AFG2A: variants seen among roughly 807,000 people sequenced by gnomAD.
The protein encoded by AFG2A is ATPase family gene 2 protein homolog A.
chr4:123,135,182 G>GAAAAAGCCTTTAAC, the AFG2A span, among the ~76,000 whole-genome samples: 1 of 151,976 alleles, frequency 6.6e-6, no homozygotes, highest in African/African-American at 2.4e-5. Context: ...AATAGATGCA[G>GAAAAAGCCTTTAAC]AAAAAGCCTT....
chr4:122,960,192 T>G, the AFG2A span, among the ~76,000 whole-genome samples: 5 of 152,190 alleles, frequency 3.3e-5, no homozygotes, highest in African/African-American at 1.2e-4. Context: ...GTGTCTGTGT[T>G]TGTATTCCTG....
the AFG2A span, among the ~76,000 whole-genome samples, chr4:123,172,552 AT>A: frequency 6.6e-6 from 1 of 152,198 alleles, no homozygotes. Flanking sequence ...GAAAAAGAGC[AT>A]TAGCTTAGAC....
At chr4:123,101,564 T>C in the AFG2A span, among the ~76,000 whole-genome samples, 1 of 152,038 alleles carries the variant, frequency 6.6e-6, no homozygotes, top group Non-Finnish European at 1.5e-5. Flanking sequence ...CTTAATTTTC[T>C]GAATACTTTG....
the AFG2A span, chr4:122,933,411 T>C: frequency 6.3e-7 from 1 of 1,594,502 alleles, no homozygotes; most frequent in Admixed American, 1.7e-5. Context: ...CTAATGCTGA[T>C]TTCTGTTCCC....
At chr4:123,229,414 A>C in the AFG2A span, among the ~76,000 whole-genome samples, 1 of 152,022 alleles carries the variant, frequency 6.6e-6, no homozygotes. Flanking sequence ...AGTGGGAAAC[A>C]AATGAAGCTT....
the AFG2A span, among the ~76,000 whole-genome samples, chr4:123,001,192 T>C: frequency 6.6e-6 from 1 of 151,214 alleles, no homozygotes; most frequent in Non-Finnish European, 1.5e-5. Context: ...GATTCTTCTC[T>C]CTTTTTTTCT....
chr4:123,297,359 T>C, the AFG2A span, among the ~76,000 whole-genome samples: 1 of 152,206 alleles, frequency 6.6e-6, no homozygotes, highest in Non-Finnish European at 1.5e-5. Context: ...ATGATATCTG[T>C]GGCCTAGAAA....
At chr4:123,232,149 A>G in the AFG2A span, among the ~76,000 whole-genome samples, 1 of 151,998 alleles carries the variant, frequency 6.6e-6, no homozygotes, top group African/African-American at 2.4e-5. Flanking sequence ...AAAAAATACA[A>G]TATCTGCAGA....
the AFG2A span, among the ~76,000 whole-genome samples, chr4:122,989,925 C>T: frequency 2.0e-5 from 3 of 152,130 alleles, no homozygotes; most frequent in Admixed American, 6.5e-5. Context: ...TGGTGCGACA[C>T]GGCTCACTGC....
chr4:123,071,460 A>G, the AFG2A span, among the ~76,000 whole-genome samples: 1 of 148,982 alleles, frequency 6.7e-6, no homozygotes, highest in East Asian at 2.0e-4. Context: ...AGCCTGGACA[A>G]CAAGAGCGAA....
the AFG2A span, among the ~76,000 whole-genome samples, chr4:123,117,908 A>G: frequency 1.3e-5 from 2 of 151,950 alleles, no homozygotes; most frequent in Non-Finnish European, 1.5e-5. Flanking sequence ...ACTAATATAG[A>G]GAAAAATTCA....
the AFG2A span, among the ~76,000 whole-genome samples, chr4:123,004,996 A>G: frequency 2.6e-5 from 4 of 152,184 alleles, no homozygotes; most frequent in African/African-American, 9.6e-5. Flanking sequence ...ATTTATGGCC[A>G]AAGAGTCATT....
At chr4:123,227,515 G>A in the AFG2A span, among the ~76,000 whole-genome samples, 1 of 152,158 alleles carries the variant, frequency 6.6e-6, no homozygotes, top group Non-Finnish European at 1.5e-5. Context: ...ATGTAGTTGA[G>A]CGGTTTTGAG....
the AFG2A span, among the ~76,000 whole-genome samples, chr4:123,096,941 A>G: frequency 6.6e-6 from 1 of 152,024 alleles, no homozygotes; most frequent in Non-Finnish European, 1.5e-5. Context: ...GTTTTCTTAC[A>G]TTGTTGCAAA....
the AFG2A span, among the ~76,000 whole-genome samples, chr4:123,300,215 AG>A: frequency 6.6e-6 from 1 of 152,212 alleles, no homozygotes; most frequent in African/African-American, 2.4e-5. Flanking sequence ...TGATCAGAAG[AG>A]GAAAAAAATG....
At chr4:123,165,609 A>T in the AFG2A span, among the ~76,000 whole-genome samples, 1 of 152,084 alleles carries the variant, frequency 6.6e-6, no homozygotes, top group Non-Finnish European at 1.5e-5. Flanking sequence ...TAGAATTTTT[A>T]AAAATATGGC....
chr4:123,306,340 C>A, the AFG2A span, among the ~76,000 whole-genome samples: 1 of 152,042 alleles, frequency 6.6e-6, no homozygotes. Context: ...TACTGCTGAA[C>A]AAATGGAAAG....
the AFG2A span, among the ~76,000 whole-genome samples, chr4:123,228,648 G>A: frequency 6.6e-6 from 1 of 151,936 alleles, no homozygotes; most frequent in Non-Finnish European, 1.5e-5. Flanking sequence ...AATCCTTACA[G>A]CAACCCGGAG....
the AFG2A span, among the ~76,000 whole-genome samples, chr4:123,125,907 C>T: frequency 6.6e-6 from 1 of 152,162 alleles, no homozygotes; most frequent in African/African-American, 2.4e-5. Context: ...GCCATTGCCT[C>T]TTGACTCGTT....
Sources: gnomAD v4.1 joint callset for allele counts (sites outside exome capture counted in the v4.1 genomes callset) on GRCh38, gnomAD v4.1.1 for gene constraint, MANE v1.5 for transcripts, NCBI Gene and HGNC (gene_info 2026-07-23, HGNC 2026-07-21) for gene names.